GRAMD1B: variants seen among roughly 807,000 people sequenced by gnomAD.
The protein encoded by GRAMD1B is protein Aster-B.
A neutral mutation model predicts 99.7 loss-of-function variants in GRAMD1B; 37 were observed. The observed-to-expected ratio is 0.37, with a 90% CI of 0.29 to 0.49. The LOEUF (loss-of-function observed/expected upper bound fraction) is 0.49. GRAMD1B is among the 20% of genes least tolerant of loss of function. The probability of loss-of-function intolerance (pLI) is 0.98; values close to 1 mark genes in which losing one functional copy is unlikely to be tolerated. For synonymous variants in GRAMD1B, 427 were observed against 387.6 expected (o/e 1.10, Z -1.19); for missense variants, 888 against 1,009.2 (o/e 0.88, Z 1.63).
intron 1 of GRAMD1B, among the ~76,000 whole-genome samples, chr11:123,433,679 CGTGT>C (rs59262021): frequency 0.21 from 30,133 of 142,958 alleles, 3,829 homozygotes; most frequent in African/African-American, 0.38. Context: ...ATGTTACGTG[CGTGT>C]GTGTGTGTGT....
intron 1 of GRAMD1B, among the ~76,000 whole-genome samples, chr11:123,370,696 C>T (rs1946497575): frequency 6.6e-6 from 1 of 151,552 alleles, no homozygotes; most frequent in Non-Finnish European, 1.5e-5. Flanking sequence ...GTGAAGTCAT[C>T]TTCTGAGAGT....
chr11:123,543,408 G>T (rs1330101470), intron 2 of GRAMD1B, among the ~76,000 whole-genome samples: 1 of 152,210 alleles, frequency 6.6e-6, no homozygotes, highest in Non-Finnish European at 1.5e-5. Context: ...GTTGGATAGG[G>T]GATGGACATT....
intron 1 of GRAMD1B, among the ~76,000 whole-genome samples, chr11:123,465,677 G>A (rs144012382): frequency 0.019 from 2,880 of 151,926 alleles, 42 homozygotes; most frequent in Non-Finnish European, 0.031. Context: ...ACTGAGGCAG[G>A]AGAATCACTT....
At chr11:123,360,563 A>C (rs867607067) in intron 1 of GRAMD1B, among the ~76,000 whole-genome samples, 1 of 152,074 alleles carries the variant, frequency 6.6e-6, no homozygotes, top group Middle Eastern at 3.4e-3. Context: ...TTGGTTTTGG[A>C]GATTTGGGGC....
Position 123,618,711 on chromosome 11 carries a change from C to T in GRAMD1B, c.2337C>T (p.Ile779=), listed in dbSNP as rs746558109. 55 of 1,579,300 alleles carry T rather than the reference C, an allele frequency of 3.5e-5. No individual in the cohort carries two copies. Among genetic ancestry groups the T allele is most frequent in the Non-Finnish European group, 4.5e-5 (52 of 1,159,104 alleles). The part of the protein sequence containing the change: ...VISCVLVLLV[I]LNMMLFYKLW... ...TTCCTAGTCTGGTGCTGCTGGTCAT[C>T]CTTAACATGATGCTCTTCTACAAAC... is the stretch of plus-strand genomic sequence containing the variant. The change falls in exon 18 of 20, where the codon ATC becomes ATT. Residue 779 remains isoleucine, a synonymous_variant. Coordinates refer to ENST00000635736, the MANE Select transcript of GRAMD1B (RefSeq NM_001387025.1).
At chr11:123,428,205 A>T (rs1475545633), upstream of GRAMD1B, among the ~76,000 whole-genome samples, 1 of 152,182 alleles carries the variant, frequency 6.6e-6, no homozygotes, top group Non-Finnish European at 1.5e-5. Context: ...GGAAGTTATC[A>T]GATCCCTTGC....
At chr11:123,387,564 C>A (rs1591402679) in intron 1 of GRAMD1B, among the ~76,000 whole-genome samples, 1 of 152,160 alleles carries the variant, frequency 6.6e-6, no homozygotes, top group Non-Finnish European at 1.5e-5. Flanking sequence ...ACAAAGCACC[C>A]ACCCCCAGGC....
rs757848171 is a variant in GRAMD1B, at chr11:123,430,791, C to T, written c.-2C>T. 29 of 676,928 alleles carry T rather than the reference C, an allele frequency of 4.3e-5. No individual in the cohort carries two copies. The highest frequency in any genetic ancestry group is 1.9e-4 in the South Asian group (12 of 63,142). 41.9% of individuals were successfully genotyped at this position (676,928 alleles called of 1,614,324 possible). On this transcript the variant is annotated 5_prime_UTR_variant, in exon 1 of 20. Transcript: ENST00000635736. ...AGGGGGAGCGCAGAGGCGACGGCCC[C>T]CATGCCGGCGGCCAACATGATGGAG...
At chr11:123,406,262 T>TC in intron 1 of GRAMD1B, among the ~76,000 whole-genome samples, 1 of 151,750 alleles carries the variant, frequency 6.6e-6, no homozygotes, top group East Asian at 1.9e-4. Flanking sequence ...ATTGTTGCTT[T>TC]TTTTTTTTTG....
rs1458815208 is a variant in GRAMD1B, at chr11:123,525,821, G to A, written c.452+44928G>A. 33 of 376,620 alleles carry A rather than the reference G, an allele frequency of 8.8e-5. No individual in the cohort carries two copies. The East Asian group carries it at 1.6e-3, about 19-fold the overall frequency. The allele number at this position is 376,620 out of a possible 1,614,324, so 23.3% of individuals were successfully genotyped here. A position where few individuals can be genotyped will look rare whatever the true frequency, so the allele number is the denominator to read the frequency against. On this transcript the variant is annotated intron_variant, in intron 2 of 19. Transcript: ENST00000635736. ...ACGGCAACTCCAGGGCTTGTTTCGC[G>A]CAGCCTTGCCAGCATTACCCATCCT... is the stretch of plus-strand genomic sequence containing the variant.
intron 1 of GRAMD1B, among the ~76,000 whole-genome samples, chr11:123,382,534 T>C (rs1946913468): frequency 6.7e-6 from 1 of 149,130 alleles, no homozygotes; most frequent in Admixed American, 6.6e-5. Context: ...AGTGTTTCCA[T>C]TCTGAAGACC....
At chr11:123,376,566 C>T (rs1946697091) in intron 1 of GRAMD1B, among the ~76,000 whole-genome samples, 1 of 152,156 alleles carries the variant, frequency 6.6e-6, no homozygotes, top group Non-Finnish European at 1.5e-5. Context: ...ATTCAAGAGA[C>T]TTGAGAATTG....
intron 2 of GRAMD1B, among the ~76,000 whole-genome samples, chr11:123,502,438 T>A (rs1197089477): frequency 6.6e-6 from 1 of 152,178 alleles, no homozygotes; most frequent in Non-Finnish European, 1.5e-5. Flanking sequence ...TCCGGTGGCT[T>A]CTCTTATACA....
chr11:123,416,488 C>T (rs1948237073), intron 1 of GRAMD1B, among the ~76,000 whole-genome samples: 1 of 152,232 alleles, frequency 6.6e-6, no homozygotes, highest in African/African-American at 2.4e-5. Flanking sequence ...CTCCCCGCTA[C>T]TCCACAGGTC....
At chr11:123,485,609 G>A (rs549353917) in intron 2 of GRAMD1B, among the ~76,000 whole-genome samples, 1 of 152,286 alleles carries the variant, frequency 6.6e-6, no homozygotes, top group Admixed American at 6.5e-5. Context: ...TTAGGAAATG[G>A]AGATTGTCTC....
intron 2 of GRAMD1B, among the ~76,000 whole-genome samples, chr11:123,564,598 C>T (rs540902772): frequency 1.3e-5 from 2 of 152,372 alleles, no homozygotes; most frequent in East Asian, 1.9e-4. Context: ...TCTCTCCCAT[C>T]AGACTGTGAG....
chr11:123,494,758 C>G (rs917137505), intron 2 of GRAMD1B, among the ~76,000 whole-genome samples: 3 of 152,120 alleles, frequency 2.0e-5, no homozygotes, highest in African/African-American at 7.2e-5. Context: ...CCCAGCTTCC[C>G]TACTTCCTGC....
chr11:123,386,394 C>T (rs976735110), intron 1 of GRAMD1B, among the ~76,000 whole-genome samples: 1 of 151,676 alleles, frequency 6.6e-6, no homozygotes, highest in Non-Finnish European at 1.5e-5. Context: ...CTTCCATCCC[C>T]GGATTCTTAG....
At chr11:123,479,974 A>G (rs1248490461) in intron 1 of GRAMD1B, among the ~76,000 whole-genome samples, 2 of 152,124 alleles carry the variant, frequency 1.3e-5, no homozygotes, top group Non-Finnish European at 2.9e-5. Flanking sequence ...TAGAGTTTCT[A>G]GTTTGTGGAC....
Sources: allele counts gnomAD v4.1 joint callset (sites outside exome capture counted in the v4.1 genomes callset), GRCh38; gene constraint gnomAD v4.1.1; transcripts MANE v1.5; gene names NCBI Gene and HGNC (gene_info 2026-07-23, HGNC 2026-07-21).